Variants in APOO observed in about 807,000 individuals in gnomAD.
APOO encodes the protein apolipoprotein O.
In APOO, 11 loss-of-function variants were observed where a neutral mutation model predicts 23.1. The observed-to-expected ratio is 0.48, with a 90% CI of 0.30 to 0.79. APOO has a LOEUF of 0.79. APOO is among the 30% of genes least tolerant of loss of function. The pLI, the probability that APOO is intolerant of heterozygous loss-of-function variation, is 0.07. For missense variants in APOO, 160 were observed against 142.7 expected (o/e 1.12, Z -0.62); for synonymous variants, 59 against 54.8 (o/e 1.08, Z -0.34).
At chrX:23,849,124 G>A (rs983750960) in intron 7 of APOO, among the ~76,000 whole-genome samples, 7 of 109,230 alleles carry the variant, frequency 6.4e-5, no homozygotes, top group African/African-American at 2.3e-4. Flanking sequence ...TTTTAGTAGA[G>A]CTGGGGTTTC....
chrX:23,901,647 C>T (rs1393530259), intron 1 of APOO, among the ~76,000 whole-genome samples: 1 of 112,039 alleles, frequency 8.9e-6, no homozygotes, highest in Non-Finnish European at 1.9e-5. Context: ...CAAGACCGTG[C>T]ACCACCGTAA....
chrX:23,844,596 G>A (rs143766062), intron 7 of APOO, among the ~76,000 whole-genome samples: 19 of 111,059 alleles, frequency 1.7e-4, no homozygotes, highest in African/African-American at 6.2e-4. Flanking sequence ...ACAGACCTTG[G>A]TCCTACAGCC....
At chrX:23,859,739 G>T (rs780050163) in intron 5 of APOO, among the ~76,000 whole-genome samples, 1 of 111,898 alleles carries the variant, frequency 8.9e-6, no homozygotes, top group South Asian at 3.7e-4. Context: ...CGCTGCGCCC[G>T]GCCCTCTGGG....
rs1362032346 is a variant in APOO, at chrX:23,907,938, C to G, written c.-236G>C. On this transcript the variant is annotated 5_prime_UTR_variant, in exon 1 of 9. Transcript: ENST00000379226. ...CGCCCGGGCAGCGGGTGAACGCAAA[C>G]CCCGCCCTCCAGGAGGCTCCGCCCC... The G allele has an allele frequency of 8.5e-6, 3 of 353,879 alleles. No homozygotes were observed. Among genetic ancestry groups the G allele is most frequent in the Non-Finnish European group, 1.4e-5 (3 of 208,989 alleles). 29.2% of individuals were successfully genotyped at this position (353,879 alleles called of 1,213,427 possible). A position where few individuals can be genotyped will look rare whatever the true frequency, so the allele number is the denominator to read the frequency against.
At chrX:23,904,749 G>A (rs1215212062) in intron 1 of APOO, among the ~76,000 whole-genome samples, 8 of 110,267 alleles carry the variant, frequency 7.3e-5, no homozygotes, top group African/African-American at 9.9e-5. Flanking sequence ...CTCGTGATCC[G>A]CCCGCCTCGG....
At chrX:23,843,634 G>C (rs1924104551) in intron 7 of APOO, among the ~76,000 whole-genome samples, 1 of 96,779 alleles carries the variant, frequency 1.0e-5, no homozygotes, top group East Asian at 3.2e-4. Flanking sequence ...ACCCAGGCTG[G>C]AGTGCAGTGG....
chrX:23,881,706 G>A (rs1926143861), intron 1 of APOO, among the ~76,000 whole-genome samples: 2 of 104,204 alleles, frequency 1.9e-5, no homozygotes, highest in Non-Finnish European at 3.9e-5. Flanking sequence ...AGGCAGAGGC[G>A]GGTGGGTGGA....
At chrX:23,883,833 G>GT (rs761702569) in intron 1 of APOO, 2 of 112,124 alleles carry the variant, frequency 1.8e-5, no homozygotes, top group Non-Finnish European at 3.8e-5. Flanking sequence ...TTCCCTAGGG[G>GT]TTTTGAGCAG....
At chrX:23,894,973 C>G (rs1001015143) in intron 1 of APOO, among the ~76,000 whole-genome samples, 2 of 109,357 alleles carry the variant, frequency 1.8e-5, no homozygotes, top group African/African-American at 3.3e-5. Context: ...AGTGTGAAAC[C>G]CTGTCTCTAC....
chrX:23,879,046 A>G lies in APOO; in HGVS notation c.118-12T>C, dbSNP rs778807349. On this transcript the variant is annotated splice_polypyrimidine_tract_variant and intron_variant, in intron 2 of 8. Coordinates refer to ENST00000379226, the MANE Select transcript of APOO (RefSeq NM_024122.5). ...GAGTAGAGTGAAAGCTGCGCACATT[A>G]AAACAAAACAAAGATTTAAAAGATG... The G allele has an allele frequency of 1.3e-5, 16 of 1,201,390 alleles. 1 individual carries two copies. The Admixed American group carries it at 3.5e-4, about 26-fold the overall frequency.
chrX:23,848,985 T>C (rs1190532895), intron 7 of APOO, among the ~76,000 whole-genome samples: 6 of 108,104 alleles, frequency 5.6e-5, no homozygotes, highest in African/African-American at 2.0e-4. Flanking sequence ...GCCTCCTGAG[T>C]AGCTGGGACT....
intron 5 of APOO, among the ~76,000 whole-genome samples, chrX:23,866,406 T>C (rs1925337085): frequency 8.9e-6 from 1 of 112,049 alleles, no homozygotes; most frequent in African/African-American, 3.2e-5. Flanking sequence ...ACAAAGACTG[T>C]GACATGAGTT....
At chrX:23,905,167 T>C (rs1927298699) in intron 1 of APOO, among the ~76,000 whole-genome samples, 1 of 109,217 alleles carries the variant, frequency 9.2e-6, no homozygotes, top group Non-Finnish European at 1.9e-5. Flanking sequence ...GGCGGGCGAA[T>C]CACGAGGTCA....
intron 3 of APOO, among the ~76,000 whole-genome samples, chrX:23,875,525 T>G (rs1180396975): frequency 1.9e-5 from 2 of 106,006 alleles, no homozygotes; most frequent in Non-Finnish European, 3.9e-5. Flanking sequence ...TTCAAGTGAT[T>G]ACTCCTGCCT....
chrX:23,873,541 AG>A (rs1431521655), intron 4 of APOO, among the ~76,000 whole-genome samples: 1 of 109,438 alleles, frequency 9.1e-6, no homozygotes, highest in Non-Finnish European at 1.9e-5. Context: ...TGAGAGACAA[AG>A]GTATCAGTGA....
At chrX:23,862,627 G>A (rs1325419679) in intron 5 of APOO, among the ~76,000 whole-genome samples, 1 of 103,805 alleles carries the variant, frequency 9.6e-6, no homozygotes, top group Admixed American at 1.1e-4. Context: ...AAAAAAATTA[G>A]TCAGGTGTGG....
intron 7 of APOO, among the ~76,000 whole-genome samples, chrX:23,847,460 A>T (rs866902298): frequency 1.5e-3 from 169 of 109,757 alleles, no homozygotes; most frequent in African/African-American, 5.4e-3. Flanking sequence ...CCCCGACTCT[A>T]TTAAAAATAC....
chrX:23,855,272 A>G (rs1214768591), intron 7 of APOO, among the ~76,000 whole-genome samples: 2 of 109,295 alleles, frequency 1.8e-5, no homozygotes, highest in African/African-American at 3.3e-5. Flanking sequence ...TGATCCTCCC[A>G]CCTTGGACTC....
At position 23,853,617 on chromosome X, in the gene APOO, T is replaced by TTTG. The variant is rs1569229583; in HGVS notation, c.561+2684_561+2685insCAA. ...GCCACCGAGCCCGACCGTTTTTTTTTTTTGTTTGTTTGTTTGTTTGTTTTT... is the reference window on the plus strand; with the variant it reads ...GCCACCGAGCCCGACCGTTTTTTTTTTTGTTTGTTTGTTTGTTTGTTTGTTTTT... On this transcript the variant is annotated intron_variant, in intron 7 of 8. Transcript: ENST00000379226. Among the ~76,000 whole-genome samples the TTTG allele has an allele frequency of 1.1e-4, 11 of 96,298 alleles. 1 individual carries two copies. The South Asian group carries it at 2.8e-3, about 24-fold the overall frequency. 83.6% of individuals were successfully genotyped at this position (96,298 alleles called of 115,157 possible).
Sources: gnomAD v4.1 joint callset for allele counts (sites outside exome capture counted in the v4.1 genomes callset) on GRCh38, gnomAD v4.1.1 for gene constraint, MANE v1.5 for transcripts, NCBI Gene and HGNC (gene_info 2026-07-23, HGNC 2026-07-21) for gene names.